ITGAD: variants seen among roughly 807,000 people sequenced by gnomAD.
ITGAD encodes the protein integrin alpha-D.
ITGAD carries 105 observed loss-of-function variants against 139.0 expected under a neutral mutation model. The ratio of observed to expected loss-of-function variants is 0.76; its 90% CI spans 0.65 to 0.89. The LOEUF (loss-of-function observed/expected upper bound fraction) is 0.89. ITGAD is among the 40% of genes least tolerant of loss of function. The pLI is 0.00. For missense variants in ITGAD, 1,384 were observed against 1,487.3 expected, an observed-to-expected ratio of 0.93 and a Z score of 1.14; for synonymous variants, 569 against 598.3, an observed-to-expected ratio of 0.95 and a Z score of 0.71.
At chr16:31,417,519 G>A (rs1010299293) in intron 20 of ITGAD, among the ~76,000 whole-genome samples, 20 of 152,172 alleles carry the variant, frequency 1.3e-4, no homozygotes, top group African/African-American at 3.9e-4. Flanking sequence ...AATTTATGGA[G>A]TGAGGTAGGG....
rs2081713546 is a variant in ITGAD at position 31,411,502 on chromosome 16, C to A, written c.1692C>A (p.Ser564Arg). 1 of 1,614,122 alleles carries A rather than the reference C, an allele frequency of 6.2e-7. No homozygotes were observed. Among genetic ancestry groups the A allele is most frequent in the Non-Finnish European group, 8.5e-7 (1 of 1,179,984 alleles). ...LFHGASESGI[S>R]PSHSQRIASS... ...ACGGAGCCTCAGAATCCGGCATCAG[C>A]CCCTCCCACAGCCAGGTGAGGCCCG... Residue 564 changes from serine (S) to arginine (R), a missense_variant, in exon 14 of 30, where the codon AGC (serine) becomes AGA (arginine). Ser to Arg is a moderately radical substitution (Grantham distance 110). Coordinates refer to ENST00000389202, the MANE Select transcript of ITGAD (RefSeq NM_005353.3).
In ITGAD at chr16:31,407,496, T is replaced by A. The variant is rs1438262763; in HGVS notation, c.705-19T>A. ...TCAATCACATCTCAGTAGAGTCATCTTCCTTTCCTCCCCGACAGGACACAG... is the reference window on the plus strand; with the variant it reads ...TCAATCACATCTCAGTAGAGTCATCATCCTTTCCTCCCCGACAGGACACAG... On this transcript the variant is annotated intron_variant, in intron 7 of 29. Transcript: ENST00000389202. 6.4e-7 allele frequency: 1 copy of A among 1,555,030 alleles called. No individual in the cohort carries two copies. Among genetic ancestry groups the A allele is most frequent in the Non-Finnish European group, 8.7e-7 (1 of 1,149,186 alleles).
Position 31,418,384 on chromosome 16 carries a change from G to C in ITGAD, c.2696+4G>C. 6.2e-7 allele frequency: 1 copy of C among 1,613,874 alleles called. No individual in the cohort carries two copies. The highest frequency in any genetic ancestry group is 8.5e-7 in the Non-Finnish European group (1 of 1,179,800). On this transcript the variant is annotated splice_donor_region_variant and intron_variant, in intron 22 of 29. Coordinates refer to ENST00000389202, the MANE Select transcript of ITGAD (RefSeq NM_005353.3). ...TTATGAGGGCCAGTGCAAGCAGGTG[G>C]GTCCAGGCCAGGGTATCCCCCACCC... is the stretch of plus-strand genomic sequence containing the variant.
Position 31,417,157 on chromosome 16 carries a change from C to T in ITGAD, c.2499+511C>T, listed in dbSNP as rs191124752. ...CTCTTGGGCTCAAGCAATCCTCCCA[C>T]GTCAGCCTCCCAAGTAGCTGGGACT... is the stretch of plus-strand genomic sequence containing the variant. On this transcript the variant is annotated intron_variant, in intron 20 of 29. Coordinates refer to ENST00000389202, the MANE Select transcript of ITGAD (RefSeq NM_005353.3). 1.0e-3 allele frequency among the ~76,000 whole-genome samples: 155 copies of T among 151,060 alleles called. 2 individuals carry two copies. The highest frequency in any genetic ancestry group is 6.6e-4 in the Non-Finnish European group (45 of 67,686).
In ITGAD at chr16:31,416,562, G is replaced by C. The variant is rs1265897318; in HGVS notation, c.2415G>C (p.Trp805Cys). The part of the protein sequence containing the change: ...SLELNVIVTV[W>C]NAGEDSYGTV... ...AGCTCAACGTGATTGTGACTGTGTG[G>C]AACGCAGGTGAGGATTCCTACGGAA... The change falls in exon 20 of 30, where the codon TGG becomes TGC. Residue 805 changes from tryptophan (W) to cysteine (C), a missense_variant. Coordinates refer to ENST00000389202, the MANE Select transcript of ITGAD (RefSeq NM_005353.3). The C allele has an allele frequency of 1.9e-6, 3 of 1,613,970 alleles. No individual in the cohort carries two copies. Among genetic ancestry groups the C allele is most frequent in the Non-Finnish European group, 2.5e-6 (3 of 1,179,840 alleles).
In ITGAD at chr16:31,411,236, T is replaced by G. The variant is rs767275751; in HGVS notation, c.1497+20T>G. ...AGGGGGGTGAGTGGCTGATGGGACC[T>G]AGGCTGGGTGGGGTCCGGTGTGAGT... is the stretch of plus-strand genomic sequence containing the variant. On this transcript the variant is annotated intron_variant, in intron 13 of 29. Transcript: ENST00000389202. 1 of 1,611,796 alleles carries G rather than the reference T, an allele frequency of 6.2e-7. No individual in the cohort carries two copies. Among genetic ancestry groups the G allele is most frequent in the Admixed American group, 1.7e-5 (1 of 59,820 alleles).
chr16:31,393,733 G>T (rs1177843027), intron 1 of ITGAD, among the ~76,000 whole-genome samples: 1 of 152,090 alleles, frequency 6.6e-6, no homozygotes, highest in Non-Finnish European at 1.5e-5. Flanking sequence ...AGGGGGAAAG[G>T]TTGGACATCA....
At position 31,418,136 on chromosome 16, in the gene ITGAD, G is replaced by T. The variant is rs765079357; in HGVS notation, c.2561G>T (p.Gly854Val). The change falls in exon 21 of 30, where the codon GGC becomes GTC. Residue 854 changes from glycine to valine, a missense_variant. Physicochemically the swap from Gly to Val is moderately radical, Grantham distance 109. Coordinates refer to ENST00000389202, the MANE Select transcript of ITGAD (RefSeq NM_005353.3). ...ACETVPTEDEGLRSSRCSVNH... is the reference protein window; with the variant it reads ...ACETVPTEDEVLRSSRCSVNH... ...GAGACAGTGCCCACTGAGGATGAGG[G>T]CCTAAGAAGCAGCCGCTGCAGTGTC... 32 of 1,613,948 alleles carry T rather than the reference G, an allele frequency of 2.0e-5. No individual in the cohort carries two copies. The highest frequency in any genetic ancestry group is 2.6e-5 in the Non-Finnish European group (31 of 1,180,016).
chr16:31,407,519 C>G lies in ITGAD; in HGVS notation c.709C>G (p.Gln237Glu). ...TCTTCCTTTCCTCCCCGACAGGACA[C>G]AGCTATTTCATCATAAGAATGGGGC... is the stretch of plus-strand genomic sequence containing the variant. ...TATGILTVVT[Q>E]LFHHKNGARK... The change falls in exon 8 of 30, where the codon CAG (glutamine) becomes GAG (glutamate). Residue 237 changes from glutamine to glutamate, a missense_variant. By Grantham distance (29) the Gln-to-Glu change is conservative. Transcript: ENST00000389202. 6.3e-7 allele frequency: 1 copy of G among 1,587,598 alleles called. No individual in the cohort carries two copies.
intron 2 of ITGAD, among the ~76,000 whole-genome samples, chr16:31,396,919 T>A (rs2081276146): frequency 6.6e-6 from 1 of 152,218 alleles, no homozygotes; most frequent in South Asian, 2.1e-4. Flanking sequence ...AATCAACTAT[T>A]TGTTTTGAAA....
chr16:31,398,177 G>A (rs1020955524), intron 5 of ITGAD, among the ~76,000 whole-genome samples: 2 of 152,146 alleles, frequency 1.3e-5, no homozygotes, highest in Non-Finnish European at 2.9e-5. Context: ...AGCATTTTAG[G>A]AGGCTGAGGT....
At chr16:31,414,819 TAG>T in intron 17 of ITGAD, 39 bp from the exon 18 acceptor site, 1 of 1,607,976 alleles carries the variant, frequency 6.2e-7, no homozygotes, top group Non-Finnish European at 8.5e-7. Context: ...TGGTGGAGCG[TAG>T]AGAGGACAGC....
intron 26 of ITGAD, 63 bp downstream of exon 26, chr16:31,423,711 A>G: frequency 6.5e-7 from 1 of 1,545,526 alleles, no homozygotes; most frequent in Non-Finnish European, 8.9e-7. Flanking sequence ...TGGGAAATGT[A>G]CTGCTAGGCC....
In ITGAD at chr16:31,397,349, G is replaced by T. The variant is rs752284390; in HGVS notation, c.138-10G>T. 6.3e-7 allele frequency: 1 copy of T among 1,575,184 alleles called. No individual in the cohort carries two copies. Among genetic ancestry groups the T allele is most frequent in the South Asian group, 1.2e-5 (1 of 86,548 alleles). On this transcript the variant is annotated splice_polypyrimidine_tract_variant and intron_variant, in intron 2 of 29. Coordinates refer to ENST00000389202, the MANE Select transcript of ITGAD (RefSeq NM_005353.3). ...TGGCTGCAGTGACATGGCCATGGTT[G>T]TGTCTCCAGACTCGTGGTGGGAGCA...
chr16:31,407,449 T>G (rs1374503997), intron 7 of ITGAD, 66 bp from the exon 8 acceptor site: 1 of 1,443,068 alleles, frequency 6.9e-7, no homozygotes. Context: ...ATGAGAGGAC[T>G]GCAAATGATG....
In ITGAD at chr16:31,416,653, A is replaced by ACTG; in HGVS notation, c.2499+11_2499+13dup. 6.2e-7 allele frequency: 1 copy of ACTG among 1,603,032 alleles called. No homozygotes were observed. On this transcript the variant is annotated splice_region_variant and intron_variant, in intron 20 of 29. Coordinates refer to ENST00000389202, the MANE Select transcript of ITGAD (RefSeq NM_005353.3). Reference sequence around the variant, plus strand: ...ACGGGTGTCAGGAGCCCAGGTAACAACTGCTGTAGGCTCTAGTGGGAGGGG... The same window carrying ACTG: ...ACGGGTGTCAGGAGCCCAGGTAACAACTGCTGCTGTAGGCTCTAGTGGGAGGGG...
Position 31,403,700 on chromosome 16 carries a change from C to T in ITGAD, c.704+55C>T, listed in dbSNP as rs1051693307. On this transcript the variant is annotated intron_variant, in intron 7 of 29. Coordinates refer to ENST00000389202, the MANE Select transcript of ITGAD (RefSeq NM_005353.3). This position sits in a 1 kb window ranked among gnomAD's most constrained non-coding sequence, Gnocchi z 4.4. ...GTGACTGCCACCCCCACTTCCTAAC[C>T]CTGGGTCAGCACAGCTCTTCTCAGA... 1.2e-6 allele frequency: 2 copies of T among 1,603,396 alleles called. No homozygotes were observed. The highest frequency in any genetic ancestry group is 2.7e-5 in the African/African-American group (2 of 74,810).
chr16:31,403,864 C>T lies in ITGAD; in HGVS notation c.704+219C>T. ...CTAGGCTCCTCTGCAGCTATGCCTC[C>T]CCTTTGCCTGGTTCTGCAGAGCCTG... On this transcript the variant is annotated intron_variant, in intron 7 of 29. Transcript: ENST00000389202. The surrounding 1 kb of genome is among the most constrained non-coding windows in gnomAD (Gnocchi z 4.4). The T allele has an allele frequency of 1.8e-6, 1 of 563,736 alleles. No homozygotes were observed. The highest frequency in any genetic ancestry group is 3.1e-5 in the East Asian group (1 of 32,380). 34.9% of individuals were successfully genotyped at this position (563,736 alleles called of 1,614,324 possible).
chr16:31,416,415 C>G, intron 19 of ITGAD, 90 bp from the exon 20 acceptor site: 1 of 1,534,956 alleles, frequency 6.5e-7, no homozygotes, highest in Non-Finnish European at 8.9e-7. Context: ...TGGCCCAGAG[C>G]TCCAGAGTTC....
Sources: gnomAD v4.1 joint callset for allele counts (sites outside exome capture counted in the v4.1 genomes callset) on GRCh38, gnomAD v4.1.1 for gene constraint, Gnocchi (gnomAD v3.1) non-coding constraint, MANE v1.5 for transcripts, NCBI Gene and HGNC (gene_info 2026-07-23, HGNC 2026-07-21) for gene names.